Variants in BPIFA2 observed in about 807,000 individuals in gnomAD.
BPIFA2 encodes the protein BPI fold containing family A member 2.
BPIFA2 carries 20 observed loss-of-function variants against 25.7 expected under a neutral mutation model. The observed-to-expected ratio is 0.78, with a 90% CI of 0.55 to 1.13. The LOEUF is 1.13. BPIFA2 is among the 50% of genes most tolerant of loss of function. BPIFA2 has a pLI of 0.00. For synonymous variants in BPIFA2, 126 were observed against 124.3 expected (o/e 1.01, Z -0.09); for missense variants, 300 against 298.1 (o/e 1.01, Z -0.05).
upstream of BPIFA2, among the ~76,000 whole-genome samples, chr20:33,166,758 G>T (rs2146449044): frequency 6.6e-6 from 1 of 152,304 alleles, no homozygotes; most frequent in Middle Eastern, 3.4e-3. Context: ...GGAACAGCGT[G>T]TTTACCCATT....
chr20:33,174,725 A>G (rs1014760765), intron 4 of BPIFA2, among the ~76,000 whole-genome samples: 3 of 152,144 alleles, frequency 2.0e-5, no homozygotes, highest in African/African-American at 7.2e-5. Context: ...AGCCAGGACA[A>G]TATGACAAAA....
chr20:33,173,403 C>T (rs971677793), intron 3 of BPIFA2, among the ~76,000 whole-genome samples: 2 of 152,242 alleles, frequency 1.3e-5, no homozygotes, highest in Non-Finnish European at 2.9e-5. Flanking sequence ...CCATATATAA[C>T]TGGGGGTAAA....
rs79337613 is a variant in BPIFA2 at position 33,174,197 on chromosome 20, A to T, written c.410+11A>T. 11 of 1,612,770 alleles carry T rather than the reference A, an allele frequency of 6.8e-6. No homozygotes were observed. The South Asian group carries it at 1.2e-4, about 18-fold the overall frequency. ...TGTCACTGTGGCCGGGTGAGTATGCACTAGAATCTGAGATTTGGGAAAGGC... is the reference window on the plus strand; with the variant it reads ...TGTCACTGTGGCCGGGTGAGTATGCTCTAGAATCTGAGATTTGGGAAAGGC... On this transcript the variant is annotated intron_variant, in intron 4 of 8. Transcript: ENST00000354932.
upstream of BPIFA2, among the ~76,000 whole-genome samples, chr20:33,167,304 C>T (rs1224955304): frequency 1.3e-5 from 2 of 152,198 alleles, no homozygotes; most frequent in East Asian, 1.9e-4. Context: ...TGTGCTGTTC[C>T]GGGTTGACAC....
intron 1 of BPIFA2, among the ~76,000 whole-genome samples, 159 bp from the exon 2 acceptor site, chr20:33,168,972 A>C (rs1983807234): frequency 6.6e-6 from 1 of 152,214 alleles, no homozygotes; most frequent in African/African-American, 2.4e-5. Context: ...TCTCCGGGCA[A>C]GTTGCTGTAG....
chr20:33,178,226 G>A lies in BPIFA2; in HGVS notation c.643G>A (p.Glu215Lys). The change falls in exon 6 of 9, where the codon GAG becomes AAG. Residue 215 changes from glutamate to lysine, a missense_variant and splice_region_variant. By Grantham distance (56) the Glu-to-Lys change is moderately conservative. Coordinates refer to ENST00000354932, the MANE Select transcript of BPIFA2 (RefSeq NM_080574.4). Reference protein sequence around the residue: ...KSTVSSLLQKEICPLIRIFIH... With the variant: ...KSTVSSLLQKKICPLIRIFIH... ...CACTGTATCCTCCCTGCTGCAGAAG[G>A]AGGTGAGTCTCCCACTCCTTGGAGC... is the stretch of plus-strand genomic sequence containing the variant. 1 of 1,588,400 alleles carries A rather than the reference G, an allele frequency of 6.3e-7. No homozygotes were observed. The highest frequency in any genetic ancestry group is 8.6e-7 in the Non-Finnish European group (1 of 1,159,122).
intron 5 of BPIFA2, among the ~76,000 whole-genome samples, chr20:33,176,077 G>A (rs959939144): frequency 2.6e-5 from 4 of 151,776 alleles, no homozygotes; most frequent in South Asian, 2.1e-4. Context: ...TAATAATAAC[G>A]ATAAAATTAT....
upstream of BPIFA2, among the ~76,000 whole-genome samples, chr20:33,166,452 C>T (rs111777419): frequency 2.9e-3 from 441 of 152,326 alleles, 4 homozygotes; most frequent in Middle Eastern, 0.027. Flanking sequence ...TTTGCTGTTG[C>T]CGTGCATCAT....
chr20:33,178,948 T>C (rs1984178102), intron 6 of BPIFA2, among the ~76,000 whole-genome samples: 1 of 152,174 alleles, frequency 6.6e-6, no homozygotes, highest in Non-Finnish European at 1.5e-5. Context: ...CTCTACAACC[T>C]CAGGGCAAAT....
At chr20:33,175,363 A>G (rs1254307875) in intron 4 of BPIFA2, 44 bp from the exon 5 acceptor site, 1 of 1,582,252 alleles carries the variant, frequency 6.3e-7, no homozygotes, top group South Asian at 1.2e-5. Flanking sequence ...GGCAACAGGC[A>G]GGAACTTCTA....
At chr20:33,175,358 C>T (rs1056953665) in intron 4 of BPIFA2, 49 bp from the exon 5 acceptor site, 11 of 1,568,236 alleles carry the variant, frequency 7.0e-6, no homozygotes, top group East Asian at 6.8e-5. Flanking sequence ...AACTGGGCAA[C>T]AGGCAGGAAC....
Position 33,169,189 on chromosome 20 carries a change from C to G in BPIFA2, c.44C>G (p.Thr15Ser). 6.2e-7 allele frequency: 1 copy of G among 1,614,144 alleles called. No individual in the cohort carries two copies. Among genetic ancestry groups the G allele is most frequent in the Non-Finnish European group, 8.5e-7 (1 of 1,179,972 alleles). Residue 15 changes from threonine to serine, a missense_variant, in exon 2 of 9, where the codon ACT (threonine) becomes AGT (serine). Transcript: ENST00000354932. ...CTTGTTCTCCTGTGCGGCGTGCTCACTGGGACCTCAGAGTCTCTTCTTGAC... is the reference window on the plus strand; with the variant it reads ...CTTGTTCTCCTGTGCGGCGTGCTCAGTGGGACCTCAGAGTCTCTTCTTGAC... ...WKLVLLCGVL[T>S]GTSESLLDNL...
At chr20:33,166,606 T>C (rs6059135), upstream of BPIFA2, among the ~76,000 whole-genome samples, 4,424 of 152,252 alleles carry the variant, frequency 0.029, 190 homozygotes, top group African/African-American at 0.098. Context: ...CCAGGTCACA[T>C]GGCCAGCAAC....
At chr20:33,177,552 T>A (rs1425292890) in intron 5 of BPIFA2, among the ~76,000 whole-genome samples, 1 of 152,164 alleles carries the variant, frequency 6.6e-6, no homozygotes, top group Non-Finnish European at 1.5e-5. Context: ...CTCTCAGCGC[T>A]TTTCTTTGCA....
chr20:33,165,482 C>A (rs1477093501), upstream of BPIFA2, among the ~76,000 whole-genome samples: 1 of 152,170 alleles, frequency 6.6e-6, no homozygotes, highest in Non-Finnish European at 1.5e-5. Context: ...CAGCTGAGCA[C>A]CCCCCAGCCT....
Position 33,181,402 on chromosome 20 carries a change from C to T in BPIFA2, c.*216C>T, listed in dbSNP as rs2146459729. On this transcript the variant is annotated 3_prime_UTR_variant, in exon 9 of 9. Coordinates refer to ENST00000354932, the MANE Select transcript of BPIFA2 (RefSeq NM_080574.4). ...TTGTCCTGCCCCTGGCAATAAAGGC[C>T]CATTTCTGCACCCTTCTGTGTGGCT... 6.6e-6 allele frequency: 1 copy of T among 152,472 alleles called. No individual in the cohort carries two copies. The highest frequency in any genetic ancestry group is 2.1e-4 in the South Asian group (1 of 4,828). 9.4% of individuals were successfully genotyped at this position (152,472 alleles called of 1,614,324 possible). A position where few individuals can be genotyped will look rare whatever the true frequency, so the allele number is the denominator to read the frequency against.
chr20:33,180,711 T>C, intron 8 of BPIFA2, 114 bp downstream of exon 8: 1 of 811,754 alleles, frequency 1.2e-6, no homozygotes, highest in Non-Finnish European at 2.0e-6. Flanking sequence ...CAGTCATAGA[T>C]TGAGCCCTGG....
At position 33,173,096 on chromosome 20, in the gene BPIFA2, T is replaced by C; in HGVS notation, c.302+20T>C. The C allele has an allele frequency of 6.2e-7, 1 of 1,610,442 alleles. No homozygotes were observed. Among genetic ancestry groups the C allele is most frequent in the Non-Finnish European group, 8.5e-7 (1 of 1,177,958 alleles). On this transcript the variant is annotated intron_variant, in intron 3 of 8. Transcript: ENST00000354932. ...TTTTGGGTGAGTTGGTCCTTCAGGG[T>C]GGAGATCTTTGCTCTAAGGAAAGGG...
At chr20:33,163,133 G>A (rs987371986) in intron 1 of BPIFA2, among the ~76,000 whole-genome samples, 10 of 152,236 alleles carry the variant, frequency 6.6e-5, no homozygotes, top group African/African-American at 2.2e-4. Flanking sequence ...CAGGTGAGAC[G>A]CTCTGTAAGT....
Sources: allele counts gnomAD v4.1 joint callset (sites outside exome capture counted in the v4.1 genomes callset), GRCh38; gene constraint gnomAD v4.1.1; transcripts MANE v1.5; gene names NCBI Gene and HGNC (gene_info 2026-07-23, HGNC 2026-07-21).